BBX: variants seen among roughly 807,000 people sequenced by gnomAD.
The protein encoded by BBX is BBX high mobility group box domain containing.
Under a neutral mutation model 100.2 loss-of-function variants are expected in BBX, and 30 were observed. The observed-to-expected ratio is 0.30, with a 90% CI of 0.22 to 0.41. The LOEUF (loss-of-function observed/expected upper bound fraction) is 0.41. BBX is among the 10% of genes least tolerant of loss of function. The pLI is 1.00. For missense variants in BBX, 1,023 were observed against 1,129.8 expected, an observed-to-expected ratio of 0.91 and a Z score of 1.35; for synonymous variants, 376 against 388.1, an observed-to-expected ratio of 0.97 and a Z score of 0.37.
At chr3:107,647,150 G>C (rs575714020) in intron 3 of BBX, among the ~76,000 whole-genome samples, 9 of 152,112 alleles carry the variant, frequency 5.9e-5, no homozygotes, top group African/African-American at 2.2e-4. Context: ...AGTTAATTAT[G>C]GTTTTACTGA....
At chr3:107,614,903 G>A (rs561236951) in intron 2 of BBX, among the ~76,000 whole-genome samples, 30 of 152,194 alleles carry the variant, frequency 2.0e-4, no homozygotes, top group African/African-American at 7.0e-4. Flanking sequence ...TCTTATTATG[G>A]CTGGAGTTTA....
intron 3 of BBX, among the ~76,000 whole-genome samples, chr3:107,653,750 G>T (rs2057981922): frequency 6.6e-6 from 1 of 152,126 alleles, no homozygotes; most frequent in Non-Finnish European, 1.5e-5. Context: ...ATTACCATAG[G>T]CACTTAGAAT....
chr3:107,545,976 A>G (rs2049209109), intron 2 of BBX, among the ~76,000 whole-genome samples: 1 of 152,220 alleles, frequency 6.6e-6, no homozygotes, highest in Non-Finnish European at 1.5e-5. Flanking sequence ...TGTAAAAAGT[A>G]GAGTGCTTGT....
chr3:107,744,335 G>T (rs1010911383), intron 7 of BBX, among the ~76,000 whole-genome samples: 3 of 152,012 alleles, frequency 2.0e-5, no homozygotes, highest in Non-Finnish European at 4.4e-5. Flanking sequence ...AAAAGTGAGA[G>T]GTTTAGATCA....
chr3:107,785,174 T>TG (rs1043194360), intron 13 of BBX, among the ~76,000 whole-genome samples: 12 of 147,400 alleles, frequency 8.1e-5, no homozygotes, highest in African/African-American at 2.7e-4. Context: ...TTAAAGTATC[T>TG]GGGGGAAAAA....
intron 4 of BBX, among the ~76,000 whole-genome samples, chr3:107,716,276 TA>T (rs1323352722): frequency 3.9e-5 from 6 of 152,176 alleles, no homozygotes; most frequent in Non-Finnish European, 8.8e-5. Context: ...AGCTAGGCAC[TA>T]TGGTTGTAAA....
intron 2 of BBX, among the ~76,000 whole-genome samples, chr3:107,540,533 C>G (rs372568140): frequency 6.6e-6 from 1 of 152,076 alleles, no homozygotes; most frequent in Non-Finnish European, 1.5e-5. Flanking sequence ...AATCCTGCTT[C>G]GAATGAAGCA....
At chr3:107,796,467 C>G (rs963584045) in intron 15 of BBX, among the ~76,000 whole-genome samples, 3 of 152,130 alleles carry the variant, frequency 2.0e-5, no homozygotes, top group Non-Finnish European at 2.9e-5. Context: ...TGTGGTGATT[C>G]TATTGGAGAG....
chr3:107,546,025 G>A (rs760489180), intron 2 of BBX, among the ~76,000 whole-genome samples: 8 of 152,178 alleles, frequency 5.3e-5, no homozygotes, highest in Admixed American at 2.6e-4. Context: ...TCTAGCAGGA[G>A]TATTACACAT....
chr3:107,732,042 A>AT (rs1576547762), intron 6 of BBX, among the ~76,000 whole-genome samples: 1 of 151,724 alleles, frequency 6.6e-6, no homozygotes, highest in East Asian at 1.9e-4. Context: ...GTTTTTATTT[A>AT]TTTTCTATTT....
chr3:107,669,655 G>A (rs771290372), intron 3 of BBX, among the ~76,000 whole-genome samples: 29 of 152,158 alleles, frequency 1.9e-4, no homozygotes, highest in Non-Finnish European at 3.4e-4. Context: ...CTCTTGGGTT[G>A]AAGTGGTGCC....
At chr3:107,698,310 A>T (rs1187004432) in intron 3 of BBX, among the ~76,000 whole-genome samples, 1 of 151,550 alleles carries the variant, frequency 6.6e-6, no homozygotes, top group East Asian at 1.9e-4. Flanking sequence ...GATGAAATTT[A>T]ATATATATAT....
At chr3:107,641,198 C>A (rs2057187212) in intron 2 of BBX, among the ~76,000 whole-genome samples, 1 of 151,702 alleles carries the variant, frequency 6.6e-6, no homozygotes, top group South Asian at 2.1e-4. Flanking sequence ...AAGTCTCCTG[C>A]CTCAGCCTCC....
chr3:107,769,869 C>T (rs563402329), intron 10 of BBX, among the ~76,000 whole-genome samples: 9 of 152,210 alleles, frequency 5.9e-5, no homozygotes, highest in African/African-American at 2.2e-4. Flanking sequence ...TAGAGTGACG[C>T]CCAACTCTGA....
intron 2 of BBX, among the ~76,000 whole-genome samples, chr3:107,527,641 C>T (rs938671039): frequency 6.6e-6 from 1 of 152,190 alleles, no homozygotes. Flanking sequence ...TGTTTTGCAT[C>T]GAACATTTTC....
intron 10 of BBX, 94 bp from the exon 11 acceptor site, chr3:107,772,534 A>T (rs1309904111): frequency 5.4e-6 from 7 of 1,297,224 alleles, no homozygotes; most frequent in Non-Finnish European, 7.3e-6. Context: ...TGTTTTGATT[A>T]TTTTTAAAAC....
In BBX at chr3:107,593,029, G is replaced by A. The variant is rs994647634; in HGVS notation, c.-83-52807G>A. ...TGTACTTCTAAAAAGCTAATTATCT[G>A]ATCTTAAAGTCTTACTGGTGTTCTG... is the stretch of plus-strand genomic sequence containing the variant. On this transcript the variant is annotated intron_variant, in intron 2 of 17. Coordinates refer to ENST00000325805, the MANE Select transcript of BBX (RefSeq NM_001142568.3). 1.7e-4 allele frequency among the ~76,000 whole-genome samples: 26 copies of A among 152,164 alleles called. 1 individual carries two copies. The highest frequency in any genetic ancestry group is 1.7e-3 in the Admixed American group (26 of 15,270).
intron 3 of BBX, among the ~76,000 whole-genome samples, chr3:107,660,540 CA>C (rs2058395180): frequency 8.1e-6 from 1 of 124,004 alleles, no homozygotes; most frequent in Admixed American, 8.6e-5. Flanking sequence ...ATGTAGCTCA[CA>C]AAACCTATCC....
At chr3:107,549,440 G>A (rs1382998887) in intron 2 of BBX, among the ~76,000 whole-genome samples, 1 of 152,092 alleles carries the variant, frequency 6.6e-6, no homozygotes, top group Non-Finnish European at 1.5e-5. Context: ...GATGAGATAG[G>A]GATCATACTC....
Sources: allele counts gnomAD v4.1 joint callset (sites outside exome capture counted in the v4.1 genomes callset), GRCh38; gene constraint gnomAD v4.1.1; transcripts MANE v1.5; gene names NCBI Gene and HGNC (gene_info 2026-07-23, HGNC 2026-07-21).